Variants in ANKRD26 observed in about 807,000 individuals in gnomAD.
ANKRD26 encodes ankyrin repeat domain-containing protein 26.
Under a neutral mutation model 208.7 loss-of-function variants are expected in ANKRD26, and 141 were observed. The observed-to-expected ratio is 0.68, with a 90% CI of 0.59 to 0.78. ANKRD26 has a LOEUF of 0.78. Ranked by LOEUF, ANKRD26 falls within the 30% of genes least tolerant of loss-of-function variation. The pLI is 0.00. For synonymous variants in ANKRD26, 636 were observed against 660.4 expected (o/e 0.96, Z 0.57); for missense variants, 1,889 against 1,938.7 (o/e 0.97, Z 0.48).
intron 32 of ANKRD26, among the ~76,000 whole-genome samples, chr10:27,009,100 A>G (rs2053000898): frequency 1.3e-5 from 2 of 152,180 alleles, no homozygotes; most frequent in African/African-American, 4.8e-5. Flanking sequence ...GGGCCTCCCA[A>G]AGTGCTGGGA....
chr10:27,042,621 C>T (rs1253519706), intron 20 of ANKRD26, among the ~76,000 whole-genome samples: 12 of 152,054 alleles, frequency 7.9e-5, no homozygotes, highest in Middle Eastern at 3.4e-3. Flanking sequence ...GGCTTGGTGG[C>T]GGGCACCTGT....
At chr10:27,038,213 C>T (rs1040192758) in intron 21 of ANKRD26, among the ~76,000 whole-genome samples, 159 bp from the exon 22 acceptor site, 4 of 152,134 alleles carry the variant, frequency 2.6e-5, no homozygotes, top group South Asian at 4.1e-4. Flanking sequence ...TTTCTCACTT[C>T]AGTCTTTTCC....
intron 15 of ANKRD26, among the ~76,000 whole-genome samples, chr10:27,058,546 A>T (rs1273161448): frequency 6.6e-6 from 1 of 152,018 alleles, no homozygotes; most frequent in Non-Finnish European, 1.5e-5. Context: ...CTCATTGGTA[A>T]GCATGATTTT....
At position 27,100,311 on chromosome 10, in the gene ANKRD26, T is replaced by G; in HGVS notation, c.16A>C (p.Ser6Arg). The G allele has an allele frequency of 6.2e-7, 1 of 1,608,820 alleles. No homozygotes were observed. The highest frequency in any genetic ancestry group is 8.5e-7 in the Non-Finnish European group (1 of 1,179,798). Residue 6 changes from serine (S) to arginine (R), a missense_variant, in exon 1 of 34, where the codon AGT becomes CGT. By Grantham distance (110) the Ser-to-Arg change is moderately radical. Transcript: ENST00000376087. MKKIF[S>R]KKGESPLGSF... ...CCCAAGGGCGACTCGCCCTTCTTAC[T>G]AAAAATCTTCTTCATGGCCCAGGCG...
downstream of ANKRD26, among the ~76,000 whole-genome samples, chr10:26,990,903 G>A (rs148680035): frequency 8.5e-5 from 13 of 152,270 alleles, no homozygotes; most frequent in Admixed American, 5.9e-4. Context: ...ATAAACTAAC[G>A]TTTAGTCATT....
the ANKRD26 span, among the ~76,000 whole-genome samples, chr10:26,956,561 G>A: frequency 6.6e-6 from 1 of 152,100 alleles, no homozygotes; most frequent in Admixed American, 6.6e-5. Context: ...GAGCCCAGAA[G>A]GTTAAGGCTG....
At position 27,043,428 on chromosome 10, in the gene ANKRD26, T is replaced by G; in HGVS notation, c.2159A>C (p.Lys720Thr). Residue 720 changes from lysine to threonine, a missense_variant and splice_region_variant, in exon 20 of 34, where the codon AAA becomes ACA. Physicochemically the swap from Lys to Thr is moderately conservative, Grantham distance 78. Coordinates refer to ENST00000376087, the MANE Select transcript of ANKRD26 (RefSeq NM_014915.3). ...LLIEQLGMEC[K>T]DSVSLLKIQD... ...TTAAATTTATGCAATGGTCCTACCT[T>G]TACACTCCATTCCAAGTTGTTCAAT... The G allele has an allele frequency of 6.2e-7, 1 of 1,613,990 alleles. No individual in the cohort carries two copies. Among genetic ancestry groups the G allele is most frequent in the Non-Finnish European group, 8.5e-7 (1 of 1,179,936 alleles).
Position 27,017,730 on chromosome 10 carries a change from C to G in ANKRD26, c.4278G>C (p.Lys1426Asn), listed in dbSNP as rs552031641. 2 of 1,612,962 alleles carry G rather than the reference C, an allele frequency of 1.2e-6. No homozygotes were observed. The highest frequency in any genetic ancestry group is 2.2e-5 in the South Asian group (2 of 90,866). ...ACAACTCCTCTTGAAGAATTTGGTT[C>G]TTTGTATCCAGATGTAGACATTTTG... ...AGSKCLHLDT[K>N]NQILQEELLS... The change falls in exon 30 of 34, where the codon AAG becomes AAC. Residue 1426 changes from lysine (K) to asparagine (N), a missense_variant. Lys to Asn is a moderately conservative substitution (Grantham distance 94, BLOSUM62 0). Coordinates refer to ENST00000376087, the MANE Select transcript of ANKRD26 (RefSeq NM_014915.3).
At chr10:26,998,970 GCAC>G (rs1163617012) in intron 4 of ANKRD26, among the ~76,000 whole-genome samples, 2 of 152,130 alleles carry the variant, frequency 1.3e-5, no homozygotes, top group Non-Finnish European at 2.9e-5. Context: ...GGTGGGGGAG[GCAC>G]CAAGAGGAAG....
intron 5 of ANKRD26, 126 bp downstream of exon 5, chr10:27,086,413 G>T: frequency 8.2e-7 from 1 of 1,223,776 alleles, no homozygotes; most frequent in Non-Finnish European, 1.1e-6. Context: ...GAGAAATTAA[G>T]AAAAAATACA....
the ANKRD26 span, among the ~76,000 whole-genome samples, chr10:26,964,632 G>A: frequency 1.3e-5 from 2 of 152,130 alleles, no homozygotes; most frequent in Non-Finnish European, 2.9e-5. Context: ...AAACACTAAG[G>A]GTCCCCTTCT....
intron 6 of ANKRD26, among the ~76,000 whole-genome samples, chr10:27,079,524 T>G (rs558282673): frequency 3.9e-5 from 6 of 152,274 alleles, no homozygotes; most frequent in African/African-American, 1.4e-4. Flanking sequence ...CTGATATAAC[T>G]TTCGTTACCT....
chr10:27,088,408 TG>T (rs2056192101), intron 4 of ANKRD26: 1 of 152,228 alleles, frequency 6.6e-6, no homozygotes, highest in African/African-American at 2.4e-5. Context: ...TTTTAGTATA[TG>T]TGCTGCTGAA....
chr10:27,072,053 C>T (rs1002684155), intron 9 of ANKRD26, among the ~76,000 whole-genome samples: 1 of 152,198 alleles, frequency 6.6e-6, no homozygotes, highest in East Asian at 1.9e-4. Flanking sequence ...ATAACCCCAT[C>T]GGCCAGAACC....
chr10:27,061,233 T>C lies in ANKRD26; in HGVS notation c.1373A>G (p.Tyr458Cys). 1 of 1,595,256 alleles carries C rather than the reference T, an allele frequency of 6.3e-7. No homozygotes were observed. Among genetic ancestry groups the C allele is most frequent in the Non-Finnish European group, 8.6e-7 (1 of 1,163,702 alleles). ...TGATCCACTCATGCAAGAAGGTATATAAAACACATCTAAGAAATAATACAT... is the reference window on the plus strand; with the variant it reads ...TGATCCACTCATGCAAGAAGGTATACAAAACACATCTAAGAAATAATACAT... ...IGNEQAEDVFYIPSCMSGSRN... is the reference protein window; with the variant it reads ...IGNEQAEDVFCIPSCMSGSRN... Residue 458 changes from tyrosine to cysteine, a missense_variant, in exon 13 of 34, where the codon TAT (tyrosine) becomes TGT (cysteine). Physicochemically the swap from Tyr to Cys is radical, Grantham distance 194. Around this residue, in one of 3 missense-constraint regions of ANKRD26, gnomAD observed 1,272 missense variants for 1,273.8 expected, o/e 1.00. Transcript: ENST00000376087.
At chr10:27,086,485 A>G in intron 5 of ANKRD26, 54 bp downstream of exon 5, 1 of 1,590,312 alleles carries the variant, frequency 6.3e-7, no homozygotes, top group Non-Finnish European at 8.6e-7. Flanking sequence ...CCTTACTTTT[A>G]CTTTTTTATC....
At chr10:27,066,597 A>T (rs183979298) in intron 10 of ANKRD26, 49 bp from the exon 11 acceptor site, 54 of 1,231,320 alleles carry the variant, frequency 4.4e-5, no homozygotes, top group African/African-American at 5.9e-5. Flanking sequence ...TTACTATTGT[A>T]AATTTTAAAT....
chr10:26,979,161 A>G (rs1318180901), intron 5 of ANKRD26, among the ~76,000 whole-genome samples: 1 of 152,190 alleles, frequency 6.6e-6, no homozygotes, highest in Non-Finnish European at 1.5e-5. Context: ...CGGAGCTTGC[A>G]GTGAGCCGAG....
chr10:27,075,241 A>T (rs1206965149), intron 9 of ANKRD26, among the ~76,000 whole-genome samples: 1 of 152,198 alleles, frequency 6.6e-6, no homozygotes. Flanking sequence ...CTCAGATCTC[A>T]ATATTACCAT....
Sources: gnomAD v4.1 joint callset for allele counts (sites outside exome capture counted in the v4.1 genomes callset) on GRCh38, gnomAD v4.1.1 for gene constraint, gnomAD v4.1.1 regional missense constraint, MANE v1.5 for transcripts, NCBI Gene and HGNC (gene_info 2026-07-23, HGNC 2026-07-21) for gene names.